The following AOPEP variants were observed in gnomAD, a reference collection of about 807,000 sequenced individuals.
AOPEP encodes aminopeptidase O.
AOPEP carries 77 observed loss-of-function variants against 98.1 expected under a neutral mutation model. The observed-to-expected ratio is 0.78, with a 90% CI of 0.65 to 0.95. The LOEUF (loss-of-function observed/expected upper bound fraction) is 0.95, where lower values mean the gene tolerates loss of function less well. AOPEP is among the 40% of genes least tolerant of loss of function. AOPEP has a pLI of 0.00. For missense variants in AOPEP, 1,024 were observed against 1,024.7 expected (o/e 1.00, Z 0.01); for synonymous variants, 346 against 365.3 (o/e 0.95, Z 0.60).
chr9:94,957,094 A>C (rs983589221), intron 9 of AOPEP, among the ~76,000 whole-genome samples: 2 of 152,216 alleles, frequency 1.3e-5, no homozygotes, highest in African/African-American at 4.8e-5. Context: ...CTGCAGTGTT[A>C]AATAAGTGCA....
chr9:94,887,883 C>A (rs1320865445), intron 5 of AOPEP, among the ~76,000 whole-genome samples: 1 of 152,114 alleles, frequency 6.6e-6, no homozygotes, highest in African/African-American at 2.4e-5. Flanking sequence ...CAAGCCTCTA[C>A]AGAAATTCAG....
intron 1 of AOPEP, among the ~76,000 whole-genome samples, chr9:94,750,991 C>A (rs528435041): frequency 3.5e-4 from 54 of 152,142 alleles, no homozygotes; most frequent in Non-Finnish European, 5.4e-4. Flanking sequence ...TCGTGATCCG[C>A]CCACCTTGGC....
rs529888245 is a variant in AOPEP at position 95,060,917 on chromosome 9, A to C, written c.2232+107A>C. ...ATTGAAACCACCATTTCTATTAGCA[A>C]AATCTCATGTGTTTGCTGTATGAGT... On this transcript the variant is annotated intron_variant, in intron 14 of 16. Coordinates refer to ENST00000375315, the MANE Select transcript of AOPEP (RefSeq NM_001193329.3). 1.1e-5 allele frequency: 8 copies of C among 758,996 alleles called. No individual in the cohort carries two copies. The Admixed American group carries it at 1.5e-4, about 14-fold the overall frequency. The allele number at this position is 758,996 out of a possible 1,614,324, so 47.0% of individuals were successfully genotyped here. A position where few individuals can be genotyped will look rare whatever the true frequency, so the allele number is the denominator to read the frequency against.
At chr9:94,974,599 T>C (rs531248074) in intron 10 of AOPEP, among the ~76,000 whole-genome samples, 1 of 152,302 alleles carries the variant, frequency 6.6e-6, no homozygotes, top group East Asian at 1.9e-4. Flanking sequence ...TCTCCTGATC[T>C]CTTCAGAAAT....
chr9:94,823,817 A>G (rs1158865476), intron 5 of AOPEP, among the ~76,000 whole-genome samples: 2 of 152,204 alleles, frequency 1.3e-5, no homozygotes, highest in Non-Finnish European at 2.9e-5. Context: ...TCGGGTGCTC[A>G]TTGCTATCAC....
intron 5 of AOPEP, among the ~76,000 whole-genome samples, chr9:94,886,907 A>T (rs2048308074): frequency 6.6e-6 from 1 of 152,214 alleles, no homozygotes; most frequent in African/African-American, 2.4e-5. Context: ...GTTTGTATAT[A>T]TAAATCTGTT....
At chr9:95,082,493 C>A in intron 15 of AOPEP, 82 bp from the exon 16 acceptor site, 1 of 1,470,776 alleles carries the variant, frequency 6.8e-7, no homozygotes, top group Non-Finnish European at 9.3e-7. Context: ...GTGTGTGGAA[C>A]AAGCACAGAC....
chr9:94,729,090 G>T (rs558198236), intron 1 of AOPEP, among the ~76,000 whole-genome samples: 1 of 152,194 alleles, frequency 6.6e-6, no homozygotes, highest in Admixed American at 6.5e-5. Context: ...TCTAGAGTCA[G>T]ATATTCTTGT....
At chr9:94,754,478 G>A (rs10821393) in intron 1 of AOPEP, among the ~76,000 whole-genome samples, 63,958 of 152,008 alleles carry the variant, frequency 0.42, 13,818 homozygotes, top group East Asian at 0.51. Context: ...AAAAGATGAG[G>A]CATAAAAAGA....
chr9:95,044,967 G>C (rs1388642487), intron 13 of AOPEP, among the ~76,000 whole-genome samples: 1 of 152,190 alleles, frequency 6.6e-6, no homozygotes, highest in African/African-American at 2.4e-5. Context: ...GTGCAGAGTT[G>C]GTGTTGAAGG....
intron 5 of AOPEP, among the ~76,000 whole-genome samples, chr9:94,872,568 C>CCTATATTCTTCAGTAAA (rs2046466711): frequency 6.6e-6 from 1 of 152,198 alleles, no homozygotes; most frequent in Non-Finnish European, 1.5e-5. Flanking sequence ...CACCGTGTCT[C>CCTATATTCTTCAGTAAA]CTATATTCTT....
chr9:95,093,151 A>G, the AOPEP span, among the ~76,000 whole-genome samples: 1 of 151,392 alleles, frequency 6.6e-6, no homozygotes, highest in African/African-American at 2.5e-5. Flanking sequence ...CTAAGTTAAA[A>G]GCGTGGAGGA....
intron 1 of AOPEP, among the ~76,000 whole-genome samples, chr9:94,742,925 G>A (rs58589586): frequency 0.04 from 6,032 of 152,144 alleles, 384 homozygotes; most frequent in African/African-American, 0.14. Context: ...ATAGGAGGCA[G>A]GGATGTAGAG....
At chr9:95,148,081 C>A in the AOPEP span, among the ~76,000 whole-genome samples, 1 of 152,186 alleles carries the variant, frequency 6.6e-6, no homozygotes, top group Non-Finnish European at 1.5e-5. Flanking sequence ...AGAGCCGAGA[C>A]AGCCCTCACG....
chr9:94,981,756 A>G (rs1253069074), intron 11 of AOPEP, among the ~76,000 whole-genome samples: 1 of 152,128 alleles, frequency 6.6e-6, no homozygotes, highest in Admixed American at 6.5e-5. Context: ...TGGAATGACA[A>G]CCAGGGCCCT....
At chr9:95,048,589 G>A (rs1407434346) in intron 13 of AOPEP, among the ~76,000 whole-genome samples, 2 of 152,056 alleles carry the variant, frequency 1.3e-5, no homozygotes, top group Non-Finnish European at 2.9e-5. Context: ...CCAGAACAGC[G>A]CAGGCTCTCC....
intron 11 of AOPEP, among the ~76,000 whole-genome samples, chr9:94,985,261 A>AT (rs2060447665): frequency 1.3e-5 from 2 of 152,248 alleles, no homozygotes; most frequent in Non-Finnish European, 2.9e-5. Flanking sequence ...ACAACAGGTT[A>AT]TTTTGTCATC....
chr9:94,882,104 A>T (rs1315635404), intron 5 of AOPEP, among the ~76,000 whole-genome samples: 1 of 152,220 alleles, frequency 6.6e-6, no homozygotes, highest in African/African-American at 2.4e-5. Context: ...GAAGGTGGTT[A>T]TGGCGGGAAG....
intron 5 of AOPEP, among the ~76,000 whole-genome samples, chr9:94,863,856 C>G (rs2045401482): frequency 6.6e-6 from 1 of 152,212 alleles, no homozygotes; most frequent in Non-Finnish European, 1.5e-5. Context: ...CCTGCACCAA[C>G]TGTCCTTCAA....
Sources: gnomAD v4.1 joint callset for allele counts (sites outside exome capture counted in the v4.1 genomes callset) on GRCh38, gnomAD v4.1.1 for gene constraint, MANE v1.5 for transcripts, NCBI Gene and HGNC (gene_info 2026-07-23, HGNC 2026-07-21) for gene names.